NSUN7: variants seen among roughly 807,000 people sequenced by gnomAD.
The protein encoded by NSUN7 is NOP2/Sun RNA methyltransferase family member 7.
NSUN7 carries 39 observed loss-of-function variants against 58.5 expected under a neutral mutation model. The observed-to-expected ratio is 0.67, with a 90% confidence interval of 0.52 to 0.87. The LOEUF (loss-of-function observed/expected upper bound fraction) is 0.87, where lower values mean the gene tolerates loss of function less well. NSUN7 is among the 40% of genes least tolerant of loss of function. The pLI is 0.00. For synonymous variants in NSUN7, 278 were observed against 303.7 expected (o/e 0.92, Z 0.88); for missense variants, 765 against 844.1 (o/e 0.91, Z 1.16).
chr4:40,784,522 C>A (rs907788158), intron 7 of NSUN7, among the ~76,000 whole-genome samples: 5 of 152,176 alleles, frequency 3.3e-5, no homozygotes, highest in Non-Finnish European at 7.3e-5. Flanking sequence ...ACAAAAAAGT[C>A]CTCATTTATG....
At chr4:40,750,507 T>C (rs1740760133) in intron 1 of NSUN7, 96 bp from the exon 2 acceptor site, 1 of 517,850 alleles carries the variant, frequency 1.9e-6, no homozygotes, top group Admixed American at 3.4e-5. Flanking sequence ...GGACGGGAAA[T>C]GCTCCCTCTT....
chr4:40,775,060 G>A lies in NSUN7; in HGVS notation c.825+110G>A. On this transcript the variant is annotated intron_variant, in intron 6 of 11. Coordinates refer to ENST00000381782, the MANE Select transcript of NSUN7 (RefSeq NM_024677.6). The surrounding 1 kb of genome is among the most constrained non-coding windows in gnomAD (Gnocchi z 4.3). ...TGTTTATATTTTTATAGATTATCAG[G>A]GAGGTTTATAAGGCCTAATTGTCAC... 1.1e-5 allele frequency: 6 copies of A among 528,006 alleles called. No homozygotes were observed. The highest frequency in any genetic ancestry group is 3.4e-5 in the South Asian group (1 of 29,844). 32.7% of individuals were successfully genotyped at this position (528,006 alleles called of 1,614,324 possible). A position where few individuals can be genotyped will look rare whatever the true frequency, so the allele number is the denominator to read the frequency against.
chr4:40,762,927 T>TGATGATCCTTATGAGATCATCTAATGCTA (rs1741529136), intron 4 of NSUN7, among the ~76,000 whole-genome samples: 1 of 152,188 alleles, frequency 6.6e-6, no homozygotes, highest in African/African-American at 2.4e-5. Context: ...ATCTAATGCT[T>TGATGATCCTTATGAGATCATCTAATGCTA]GATGATCTGA....
chr4:40,789,917 A>G (rs895509876), intron 7 of NSUN7, among the ~76,000 whole-genome samples: 4 of 152,164 alleles, frequency 2.6e-5, no homozygotes, highest in African/African-American at 9.7e-5. Flanking sequence ...GATAGGGGGC[A>G]CAGATGGCTA....
At chr4:40,794,554 AT>A in intron 9 of NSUN7, 78 bp downstream of exon 9, 1 of 857,784 alleles carries the variant, frequency 1.2e-6, no homozygotes, top group Non-Finnish European at 1.9e-6. Context: ...ATCTATTATA[AT>A]CAAGCAATGA....
chr4:40,752,490 G>T (rs1466092921), intron 2 of NSUN7, among the ~76,000 whole-genome samples: 2 of 152,154 alleles, frequency 1.3e-5, no homozygotes, highest in African/African-American at 4.8e-5. Flanking sequence ...GCACAATCTT[G>T]GCTCACTGCA....
At chr4:40,767,818 C>T (rs941023176) in intron 4 of NSUN7, among the ~76,000 whole-genome samples, 2 of 152,176 alleles carry the variant, frequency 1.3e-5, no homozygotes, top group Non-Finnish European at 2.9e-5. Flanking sequence ...GTAGTATCTG[C>T]TTCATTTTTT....
At chr4:40,785,863 A>G (rs1017682505) in intron 7 of NSUN7, among the ~76,000 whole-genome samples, 3 of 152,280 alleles carry the variant, frequency 2.0e-5, no homozygotes, top group African/African-American at 7.2e-5. Flanking sequence ...ATGCATGATA[A>G]GAAGTTAGAA....
chr4:40,805,236 G>T (rs1743764902), intron 10 of NSUN7, among the ~76,000 whole-genome samples: 1 of 152,160 alleles, frequency 6.6e-6, no homozygotes, highest in South Asian at 2.1e-4. Context: ...GCATGGCACA[G>T]CCAGGTTCTC....
intron 7 of NSUN7, among the ~76,000 whole-genome samples, chr4:40,782,465 G>A (rs1742619427): frequency 6.6e-6 from 1 of 151,760 alleles, no homozygotes; most frequent in Admixed American, 6.6e-5. Context: ...CTACGAGGGA[G>A]GCTGAGGCTG....
At chr4:40,786,070 G>C in intron 7 of NSUN7, 1 of 1,535,014 alleles carries the variant, frequency 6.5e-7, no homozygotes, top group Non-Finnish European at 8.7e-7. Context: ...AAAGCAAGAA[G>C]AGAAAAGCAT....
intron 2 of NSUN7, among the ~76,000 whole-genome samples, chr4:40,756,596 G>T (rs1218931257): frequency 1.3e-5 from 2 of 152,186 alleles, no homozygotes; most frequent in Non-Finnish European, 2.9e-5. Context: ...CACGTACTTT[G>T]GTGCCAGACT....
chr4:40,808,765 A>G lies in NSUN7; in HGVS notation c.1983A>G (p.Ser661=). 1.3e-6 allele frequency: 2 copies of G among 1,549,558 alleles called. No homozygotes were observed. Among genetic ancestry groups the G allele is most frequent in the Non-Finnish European group, 1.7e-6 (2 of 1,146,594 alleles). ...TGCCTCCAGTCTTTATGCCATTTTC[A>G]AGTCCCCAAGGGATCAGATCTCGGA... The part of the protein sequence containing the change: ...IVLPPVFMPF[S]SPQGIRSRMP... The change falls in exon 12 of 12, where the codon TCA becomes TCG. Residue 661 remains serine (S), a synonymous_variant. Coordinates refer to ENST00000381782, the MANE Select transcript of NSUN7 (RefSeq NM_024677.6).
At chr4:40,783,938 A>G (rs1742693680) in intron 7 of NSUN7, among the ~76,000 whole-genome samples, 1 of 152,166 alleles carries the variant, frequency 6.6e-6, no homozygotes, top group Non-Finnish European at 1.5e-5. Context: ...TATATAAACA[A>G]CTCAACAATA....
Position 40,776,000 on chromosome 4 carries a change from T to C in NSUN7, c.826-49T>C. ...TGTAAAGCAAATAGAAGTCAGCTTA[T>C]ATTTCTAGCCATACCCTTTGAAATT... On this transcript the variant is annotated intron_variant, in intron 6 of 11. Coordinates refer to ENST00000381782, the MANE Select transcript of NSUN7 (RefSeq NM_024677.6). This position sits in a 1 kb window ranked among gnomAD's most constrained non-coding sequence, Gnocchi z 4.3. The C allele has an allele frequency of 8.3e-7, 1 of 1,202,996 alleles. No individual in the cohort carries two copies. Among genetic ancestry groups the C allele is most frequent in the Non-Finnish European group, 1.2e-6 (1 of 850,594 alleles). The allele number at this position is 1,202,996 out of a possible 1,614,324, so 74.5% of individuals were successfully genotyped here. A position where few individuals can be genotyped will look rare whatever the true frequency, so the allele number is the denominator to read the frequency against.
At chr4:40,784,604 TGATGGGCTGGTTGCCCTTTCCTGA>T (rs1417127324) in intron 7 of NSUN7, among the ~76,000 whole-genome samples, 3 of 152,240 alleles carry the variant, frequency 2.0e-5, no homozygotes, top group African/African-American at 7.2e-5. Context: ...TTAGCAAATG[TGATGGGCTGGTTGCCCTTTCCTGA>T]GATGGGCTGG....
At chr4:40,765,990 A>G (rs940021110) in intron 4 of NSUN7, among the ~76,000 whole-genome samples, 29 of 152,314 alleles carry the variant, frequency 1.9e-4, no homozygotes, top group South Asian at 4.1e-4. Context: ...GGCTGAGACA[A>G]TGGGGTTTCC....
At chr4:40,757,628 T>TTGTGTGTATATATATAC (rs1560544929) in intron 2 of NSUN7, among the ~76,000 whole-genome samples, 34 of 143,748 alleles carry the variant, frequency 2.4e-4, no homozygotes, top group African/African-American at 4.9e-4. Context: ...TATATATATA[T>TTGTGTGTATATATATAC]ACATTGTGTG....
In NSUN7 at chr4:40,811,106, C is replaced by G. The variant is rs950958708; in HGVS notation, c.*2167C>G. 1 of 152,184 alleles carries G rather than the reference C, an allele frequency of 6.6e-6. No individual in the cohort carries two copies. The highest frequency in any genetic ancestry group is 2.4e-5 in the African/African-American group (1 of 41,428). 9.4% of individuals were successfully genotyped at this position (152,184 alleles called of 1,614,324 possible). A position where few individuals can be genotyped will look rare whatever the true frequency, so the allele number is the denominator to read the frequency against. On this transcript the variant is annotated 3_prime_UTR_variant, in exon 12 of 12. Coordinates refer to ENST00000381782, the MANE Select transcript of NSUN7 (RefSeq NM_024677.6). ...TGTTGCCACTTACATTGATTATCTCCTAACATGCATTTGGCACTAAATTAT... is the reference window on the plus strand; with the variant it reads ...TGTTGCCACTTACATTGATTATCTCGTAACATGCATTTGGCACTAAATTAT...
Sources: allele counts gnomAD v4.1 joint callset (sites outside exome capture counted in the v4.1 genomes callset), GRCh38; gene constraint gnomAD v4.1.1; non-coding constraint Gnocchi (gnomAD v3.1); transcripts MANE v1.5; gene names NCBI Gene and HGNC (gene_info 2026-07-23, HGNC 2026-07-21).